Variants in RYR3 observed in about 807,000 individuals in gnomAD.
RYR3 encodes ryanodine receptor 3.
In RYR3, 207 loss-of-function variants were observed where a neutral mutation model predicts 584.3. The observed-to-expected ratio is 0.35, with a 90% CI of 0.32 to 0.40. The LOEUF (loss-of-function observed/expected upper bound fraction) is 0.40. Ranked by LOEUF, RYR3 falls within the 10% of genes least tolerant of loss-of-function variation. The pLI is 1.00. For missense variants in RYR3, 5,616 were observed against 6,089.2 expected (o/e 0.92, Z 2.59); for synonymous variants, 2,416 against 2,248.5 (o/e 1.07, Z -2.11).
At chr15:33,340,774 G>A (rs1183994102) in intron 1 of RYR3, among the ~76,000 whole-genome samples, 2 of 151,968 alleles carry the variant, frequency 1.3e-5, no homozygotes, top group African/African-American at 2.4e-5. Flanking sequence ...GTCACATTTC[G>A]GGTTAGGGCT....
intron 7 of RYR3, among the ~76,000 whole-genome samples, chr15:33,541,459 T>TA (rs2055808047): frequency 6.6e-6 from 1 of 152,118 alleles, no homozygotes; most frequent in Admixed American, 6.6e-5. Flanking sequence ...TAGAATCAGG[T>TA]AAAAATCAAT....
chr15:33,419,781 A>G (rs2442464), intron 1 of RYR3, among the ~76,000 whole-genome samples: 67,611 of 152,046 alleles, frequency 0.44, 16,270 homozygotes, highest in African/African-American at 0.64. Context: ...ACAAGACGTG[A>G]AGCAGAAGGA....
intron 42 of RYR3, among the ~76,000 whole-genome samples, chr15:33,702,890 G>C (rs139385807): frequency 6.6e-6 from 1 of 152,134 alleles, no homozygotes; most frequent in Non-Finnish European, 1.5e-5. Flanking sequence ...GGAAAATTGA[G>C]AAATAAATAC....
At chr15:33,534,274 G>A (rs571724670) in intron 5 of RYR3, among the ~76,000 whole-genome samples, 209 of 152,268 alleles carry the variant, frequency 1.4e-3, no homozygotes, top group Non-Finnish European at 2.6e-3. Context: ...GGTGGCAGGC[G>A]CCTGTAATCC....
chr15:33,594,143 C>A (rs1423842745), intron 16 of RYR3, among the ~76,000 whole-genome samples: 1 of 152,166 alleles, frequency 6.6e-6, no homozygotes, highest in Non-Finnish European at 1.5e-5. Flanking sequence ...TATACATGGA[C>A]TGTGTACACA....
chr15:33,706,940 T>C lies in RYR3; in HGVS notation c.6505T>C (p.Cys2169Arg). The C allele has an allele frequency of 1.2e-6, 2 of 1,609,914 alleles. No homozygotes were observed. The highest frequency in any genetic ancestry group is 2.2e-5 in the East Asian group (1 of 44,796). Residue 2169 changes from cysteine to arginine, a missense_variant, in exon 43 of 104, where the codon TGT (cysteine) becomes CGT (arginine). By Grantham distance (180) the Cys-to-Arg change is radical. Coordinates refer to ENST00000634891, the MANE Select transcript of RYR3 (RefSeq NM_001036.6). ...GCAGGTGGTGACCTACTTGGCAGGC[T>C]GTGGCCTACAGAGCTGCCCCATGCT... is the stretch of plus-strand genomic sequence containing the variant. ...LEKVVTYLAG[C>R]GLQSCPMLLA...
chr15:33,812,667 T>A (rs2076614397), intron 72 of RYR3, among the ~76,000 whole-genome samples, 196 bp from the exon 73 acceptor site: 2 of 152,020 alleles, frequency 1.3e-5, no homozygotes, highest in South Asian at 2.1e-4. Flanking sequence ...ACAGAAGCAT[T>A]AAGAGACATA....
At chr15:33,732,689 T>C (rs905887279) in intron 48 of RYR3, among the ~76,000 whole-genome samples, 1 of 152,188 alleles carries the variant, frequency 6.6e-6, no homozygotes, top group Non-Finnish European at 1.5e-5. Flanking sequence ...ATATCAGAAA[T>C]GCCTGATGAG....
chr15:33,357,103 G>A (rs985392463), intron 1 of RYR3, among the ~76,000 whole-genome samples: 6 of 152,092 alleles, frequency 3.9e-5, no homozygotes, highest in South Asian at 2.1e-4. Flanking sequence ...TTCCTACCAC[G>A]TGGCCTGGTC....
Position 33,336,507 on chromosome 15 carries a change from AGG to A in RYR3, c.51+25413_51+25414del, listed in dbSNP as rs1567047446. On this transcript the variant is annotated intron_variant, in intron 1 of 103. Coordinates refer to ENST00000634891, the MANE Select transcript of RYR3 (RefSeq NM_001036.6). The stretch of plus-strand genomic sequence containing the variant: ...GAGAGAAAGAAAGAAAGAAAGAAGG[AGG>A]GAAGGAGGGAAGGAGGGAAGGAGGG... Among the ~76,000 whole-genome samples the A allele has an allele frequency of 3.3e-3, 195 of 59,768 alleles. 62 individuals carry two copies. The highest frequency in any genetic ancestry group is 0.021 in the African/African-American group (186 of 8,908). The allele number at this position is 59,768 out of a possible 152,430, so 39.2% of individuals were successfully genotyped here. A position where few individuals can be genotyped will look rare whatever the true frequency, so the allele number is the denominator to read the frequency against.
intron 16 of RYR3, among the ~76,000 whole-genome samples, chr15:33,597,561 A>C (rs759030210): frequency 2.1e-4 from 32 of 150,748 alleles, no homozygotes; most frequent in Admixed American, 8.7e-4. Flanking sequence ...CAGTGAGCCA[A>C]GATTGCACCA....
chr15:33,707,857 G>C (rs2066825970), intron 43 of RYR3, among the ~76,000 whole-genome samples: 1 of 152,134 alleles, frequency 6.6e-6, no homozygotes, highest in Non-Finnish European at 1.5e-5. Context: ...GATATAATGT[G>C]ATCATTATAT....
intron 40 of RYR3, among the ~76,000 whole-genome samples, chr15:33,698,940 G>C (rs961071843): frequency 6.6e-5 from 10 of 152,144 alleles, no homozygotes; most frequent in African/African-American, 2.4e-4. Flanking sequence ...TCAAAACTAA[G>C]ATTTGGCCCA....
chr15:33,435,519 T>C (rs1388395398), intron 1 of RYR3, among the ~76,000 whole-genome samples: 3 of 152,206 alleles, frequency 2.0e-5, no homozygotes, highest in African/African-American at 7.2e-5. Context: ...TATACTTGTG[T>C]GAGAATTTCT....
rs765535332 is a variant in RYR3, at chr15:33,738,575, C to G, written c.7641C>G (p.Asp2547Glu). ...LTEKLFWGIF[D>E]SLSHKKYDPD... is the part of the protein sequence containing the mutation. ...AGAAGCTTTTCTGGGGGATTTTTGACTCGCTCTCCCATAAGGTAATGACAG... is the reference window on the plus strand; with the variant it reads ...AGAAGCTTTTCTGGGGGATTTTTGAGTCGCTCTCCCATAAGGTAATGACAG... Residue 2547 changes from aspartate to glutamate, a missense_variant, in exon 50 of 104, where the codon GAC becomes GAG. Physicochemically the swap from Asp to Glu is conservative, Grantham distance 45. Around this residue, in one of 9 missense-constraint regions of RYR3, gnomAD observed 1,280 missense variants for 1,426.2 expected, o/e 0.90. Transcript: ENST00000634891. 1.2e-6 allele frequency: 2 copies of G among 1,613,932 alleles called. No homozygotes were observed. The highest frequency in any genetic ancestry group is 2.2e-5 in the East Asian group (1 of 44,878).
intron 38 of RYR3, among the ~76,000 whole-genome samples, chr15:33,691,477 A>G (rs2065426449): frequency 6.6e-6 from 1 of 152,226 alleles, no homozygotes; most frequent in Non-Finnish European, 1.5e-5. Context: ...TATTGGCAAC[A>G]AATACTATCA....
chr15:33,593,488 T>A (rs1366763715), intron 16 of RYR3, among the ~76,000 whole-genome samples: 1 of 152,168 alleles, frequency 6.6e-6, no homozygotes, highest in East Asian at 1.9e-4. Context: ...AAAATCCATA[T>A]AGGCCACATT....
intron 43 of RYR3, among the ~76,000 whole-genome samples, chr15:33,709,496 C>A (rs2066942711): frequency 6.6e-6 from 1 of 152,160 alleles, no homozygotes; most frequent in Non-Finnish European, 1.5e-5. Flanking sequence ...GAAACTTAAT[C>A]CCGAGAGTTG....
intron 78 of RYR3, 110 bp from the exon 79 acceptor site, chr15:33,821,160 G>A (rs2077083354): frequency 1.3e-6 from 1 of 777,262 alleles, no homozygotes; most frequent in African/African-American, 1.7e-5. Context: ...CCAAGTTGAT[G>A]TGTGTTACCT....
Sources: allele counts gnomAD v4.1 joint callset (sites outside exome capture counted in the v4.1 genomes callset), GRCh38; gene constraint gnomAD v4.1.1; regional missense constraint gnomAD v4.1.1; transcripts MANE v1.5; gene names NCBI Gene and HGNC (gene_info 2026-07-23, HGNC 2026-07-21).